The following RAB43 variants were observed in gnomAD, a reference collection of about 807,000 sequenced individuals.
RAB43 encodes the protein ras-related protein Rab-43.
A neutral mutation model predicts 18.8 loss-of-function variants in RAB43; 6 were observed. The observed-to-expected ratio is 0.32, with a 90% CI of 0.17 to 0.63. The LOEUF (loss-of-function observed/expected upper bound fraction) is 0.63. RAB43 is among the 30% of genes least tolerant of loss of function. The pLI is 0.79. For missense variants in RAB43, 195 were observed against 289.1 expected (o/e 0.67, Z 2.36); for synonymous variants, 103 against 124.1 (o/e 0.83, Z 1.13).
chr3:129,115,445 A>G (rs1935460493), intron 1 of RAB43, among the ~76,000 whole-genome samples: 1 of 152,094 alleles, frequency 6.6e-6, no homozygotes, highest in South Asian at 2.1e-4. Context: ...CGGAGGTTGC[A>G]GTGAGCAGAG....
intron 1 of RAB43, among the ~76,000 whole-genome samples, chr3:129,109,742 AAATAAT>A (rs530716127): frequency 2.0e-5 from 3 of 150,586 alleles, no homozygotes; most frequent in African/African-American, 4.9e-5. Flanking sequence ...ACTCCATCTA[AAATAAT>A]AATAATAATA....
At position 129,095,317 on chromosome 3, in the gene RAB43, C is replaced by A. The variant is rs1010021788; in HGVS notation, c.205-148G>T. The A allele has an allele frequency of 2.5e-6, 3 of 1,193,366 alleles. No individual in the cohort carries two copies. The highest frequency in any genetic ancestry group is 4.4e-4 in the Middle Eastern group (2 of 4,584). The allele number at this position is 1,193,366 out of a possible 1,614,324, so 73.9% of individuals were successfully genotyped here. A position where few individuals can be genotyped will look rare whatever the true frequency, so the allele number is the denominator to read the frequency against. On this transcript the variant is annotated intron_variant, in intron 1 of 2. Coordinates refer to ENST00000315150, the MANE Select transcript of RAB43 (RefSeq NM_198490.3). This position sits in a 1 kb window ranked among gnomAD's most constrained non-coding sequence, Gnocchi z 4.2. Reference sequence around the variant, plus strand: ...CTTAGAAAGCAACTCAATGGCTCAACCTTGTTGGAAAAATGGGGAAGCAAA... The same window carrying A: ...CTTAGAAAGCAACTCAATGGCTCAAACTTGTTGGAAAAATGGGGAAGCAAA...
At chr3:129,100,336 A>T (rs1400528629) in intron 1 of RAB43, among the ~76,000 whole-genome samples, 3 of 152,224 alleles carry the variant, frequency 2.0e-5, no homozygotes, top group Admixed American at 6.5e-5. Flanking sequence ...GGAAGTAGAG[A>T]GAAGCTCCTT....
intron 1 of RAB43, among the ~76,000 whole-genome samples, chr3:129,108,400 T>C (rs1934925938): frequency 6.6e-6 from 1 of 152,228 alleles, no homozygotes; most frequent in Non-Finnish European, 1.5e-5. Context: ...TTCAGAAGCC[T>C]CAGTTACCAC....
chr3:129,110,675 A>G (rs1425499378), intron 1 of RAB43, among the ~76,000 whole-genome samples: 1 of 152,188 alleles, frequency 6.6e-6, no homozygotes, highest in Non-Finnish European at 1.5e-5. Context: ...CGTCTCTATT[A>G]AAAATGCCAG....
Position 129,119,017 on chromosome 3 carries a change from G to A in RAB43, c.204+2269C>T, listed in dbSNP as rs183339636. On this transcript the variant is annotated intron_variant, in intron 1 of 2. Transcript: ENST00000315150. ...TACAGAAGAACAAAAGAACTTTCTGGGTTGGTGGAAAAATTCTCCATCTTG... is the reference window on the plus strand; with the variant it reads ...TACAGAAGAACAAAAGAACTTTCTGAGTTGGTGGAAAAATTCTCCATCTTG... Among the ~76,000 whole-genome samples the A allele has an allele frequency of 1.8e-3, 269 of 152,300 alleles. 1 individual carries two copies. Among genetic ancestry groups the A allele is most frequent in the African/African-American group, 6.0e-3 (249 of 41,564 alleles).
intron 1 of RAB43, among the ~76,000 whole-genome samples, chr3:129,118,103 G>A (rs985283915): frequency 3.9e-5 from 6 of 152,198 alleles, no homozygotes; most frequent in Admixed American, 3.9e-4. Flanking sequence ...TAGCAGTTAC[G>A]TGGGGATCTA....
chr3:129,089,927 A>G lies in RAB43; in HGVS notation c.*1169T>C, dbSNP rs1202766034. On this transcript the variant is annotated 3_prime_UTR_variant, in exon 3 of 3. Transcript: ENST00000315150. ...GGCAGAGCTGGGCTGACACAGACGG[A>G]CTGGGATTGGCTAAGGAAGATCACC... 1 of 149,604 alleles carries G rather than the reference A, an allele frequency of 6.7e-6. No homozygotes were observed. Among genetic ancestry groups the G allele is most frequent in the East Asian group, 2.0e-4 (1 of 5,028 alleles). The allele number at this position is 149,604 out of a possible 1,614,324, so 9.3% of individuals were successfully genotyped here. A position where few individuals can be genotyped will look rare whatever the true frequency, so the allele number is the denominator to read the frequency against.
At chr3:129,108,737 C>T (rs142567346) in intron 1 of RAB43, among the ~76,000 whole-genome samples, 390 of 152,242 alleles carry the variant, frequency 2.6e-3, no homozygotes, top group African/African-American at 9.1e-3. Flanking sequence ...AATGGAAGGC[C>T]GTGGCTCTTA....
intron 1 of RAB43, among the ~76,000 whole-genome samples, chr3:129,113,581 G>A (rs545213673): frequency 5.8e-4 from 89 of 152,286 alleles, no homozygotes; most frequent in African/African-American, 1.7e-3. Flanking sequence ...CTCACACACC[G>A]CTTCTGGGAT....
intron 2 of RAB43, among the ~76,000 whole-genome samples, chr3:129,094,403 A>C (rs1396702001): frequency 1.3e-5 from 2 of 151,976 alleles, no homozygotes; most frequent in African/African-American, 2.4e-5. Flanking sequence ...AATGAGGAGA[A>C]GCCGGGGTAC....
At chr3:129,094,961 T>C (rs767506514) in intron 2 of RAB43, 25 bp downstream of exon 2, 1 of 1,599,910 alleles carries the variant, frequency 6.3e-7, no homozygotes, top group Admixed American at 1.7e-5. Flanking sequence ...ATGGGATTTG[T>C]GGTCCCGAGG....
At chr3:129,122,065 C>T (rs1455608934), upstream of RAB43, 5 of 163,206 alleles carry the variant, frequency 3.1e-5, no homozygotes, top group African/African-American at 1.2e-4. Flanking sequence ...CGCCCCGACT[C>T]CGCCCTCAGC....
At chr3:129,112,113 G>A (rs974248338) in intron 1 of RAB43, among the ~76,000 whole-genome samples, 4 of 151,996 alleles carry the variant, frequency 2.6e-5, no homozygotes, top group African/African-American at 9.7e-5. Context: ...AATTAGCCGG[G>A]CGTGGTGGCG....
intron 1 of RAB43, among the ~76,000 whole-genome samples, chr3:129,111,110 G>A (rs992022890): frequency 6.6e-6 from 1 of 151,980 alleles, no homozygotes; most frequent in Non-Finnish European, 1.5e-5. Flanking sequence ...TTCCTAGGTG[G>A]TCTCCTTTTT....
rs1264520387 is a variant in RAB43, at chr3:129,121,394, C to T, written c.96G>A (p.Thr32=). 7 of 1,613,052 alleles carry T rather than the reference C, an allele frequency of 4.3e-6. No individual in the cohort carries two copies. Among genetic ancestry groups the T allele is most frequent in the Non-Finnish European group, 5.9e-6 (7 of 1,179,580 alleles). The change falls in exon 1 of 3, where the codon ACG becomes ACA. Residue 32 remains threonine, a synonymous_variant. Coordinates refer to ENST00000315150, the MANE Select transcript of RAB43 (RefSeq NM_198490.3). The part of the protein sequence containing the change: ...VLVGDASVGK[T]CVVQRFKTGA... The stretch of plus-strand genomic sequence containing the variant: ...CGGTCTTGAAGCGCTGCACCACGCA[C>T]GTCTTGCCCACGCTTGCGTCGCCCA...
intron 1 of RAB43, 73 bp downstream of exon 1, chr3:129,121,213 C>T (rs1935905082): frequency 2.2e-6 from 3 of 1,347,540 alleles, no homozygotes; most frequent in Non-Finnish European, 3.0e-6. Context: ...GCGCTCGCCG[C>T]GGCCAGGGGC....
intron 1 of RAB43, among the ~76,000 whole-genome samples, chr3:129,109,955 C>T (rs1163741174): frequency 6.6e-6 from 1 of 151,602 alleles, no homozygotes; most frequent in Non-Finnish European, 1.5e-5. Flanking sequence ...GCCTCGACCT[C>T]CTGGGCTCAA....
intron 1 of RAB43, among the ~76,000 whole-genome samples, chr3:129,098,960 C>T (rs963208428): frequency 6.6e-6 from 1 of 152,070 alleles, no homozygotes; most frequent in African/African-American, 2.4e-5. Context: ...GTAATCCCAA[C>T]TACTCGGGAG....
Sources: allele counts gnomAD v4.1 joint callset (sites outside exome capture counted in the v4.1 genomes callset), GRCh38; gene constraint gnomAD v4.1.1; non-coding constraint Gnocchi (gnomAD v3.1); transcripts MANE v1.5; gene names NCBI Gene and HGNC (gene_info 2026-07-23, HGNC 2026-07-21).